The following VTI1A variants were observed in gnomAD, a reference collection of about 807,000 sequenced individuals.
The protein encoded by VTI1A is vesicle transport through interaction with t-SNAREs homolog 1A.
In VTI1A, 22 loss-of-function variants were observed where a neutral mutation model predicts 34.9. That is an observed-to-expected ratio of 0.63 (90% CI 0.45 to 0.90). The LOEUF (loss-of-function observed/expected upper bound fraction) is 0.90. Ranked by LOEUF, VTI1A falls within the 40% of genes least tolerant of loss-of-function variation. VTI1A has a pLI of 0.00. For missense variants in VTI1A, 268 were observed against 275.6 expected (o/e 0.97, Z 0.20); for synonymous variants, 87 against 97.3 (o/e 0.89, Z 0.62).
the VTI1A span, among the ~76,000 whole-genome samples, chr10:112,848,233 C>T: frequency 2.0e-5 from 3 of 152,200 alleles, no homozygotes; most frequent in Non-Finnish European, 4.4e-5. Flanking sequence ...GCTGGGATCA[C>T]CTGCCCAACC....
rs562646110 is a variant in VTI1A at position 112,655,957 on chromosome 10, G to C, written c.428-12261G>C. 5.9e-5 allele frequency among the ~76,000 whole-genome samples: 9 copies of C among 152,318 alleles called. No homozygotes were observed. The South Asian group carries it at 1.7e-3, about 28-fold the overall frequency. On this transcript the variant is annotated intron_variant, in intron 5 of 7. Transcript: ENST00000393077. ...CAAATGAGAATCTTTGCCAGAGTCT[G>C]TGACCTTCAAATTTCAGTCCTCTCA...
chr10:112,603,748 C>T (rs1195082609), intron 5 of VTI1A, among the ~76,000 whole-genome samples: 2 of 152,172 alleles, frequency 1.3e-5, no homozygotes, highest in African/African-American at 2.4e-5. Flanking sequence ...AGCTTTCCAT[C>T]ATCCACCTTA....
chr10:112,758,439 G>A (rs928720341), intron 7 of VTI1A, among the ~76,000 whole-genome samples: 8 of 152,122 alleles, frequency 5.3e-5, no homozygotes, highest in Non-Finnish European at 8.8e-5. Context: ...AAAGACTCCT[G>A]GACACCATCC....
At chr10:112,659,384 A>G (rs988029022) in intron 5 of VTI1A, among the ~76,000 whole-genome samples, 4 of 152,144 alleles carry the variant, frequency 2.6e-5, no homozygotes, top group Non-Finnish European at 5.9e-5. Flanking sequence ...CTCATTTTTG[A>G]ATGGAGCTGT....
intron 7 of VTI1A, chr10:112,677,596 C>G (rs1223419003): frequency 2.6e-5 from 4 of 152,266 alleles, no homozygotes; most frequent in Admixed American, 6.6e-5. Flanking sequence ...ATGGTGGTAA[C>G]TCCTGTGCAG....
intron 5 of VTI1A, among the ~76,000 whole-genome samples, chr10:112,594,462 A>T (rs1844538872): frequency 6.6e-6 from 1 of 152,094 alleles, no homozygotes; most frequent in Non-Finnish European, 1.5e-5. Context: ...ACTTCAGCAA[A>T]GTCTCAGGAT....
At chr10:112,595,073 T>C (rs1425812607) in intron 5 of VTI1A, among the ~76,000 whole-genome samples, 2 of 148,652 alleles carry the variant, frequency 1.3e-5, no homozygotes, top group Non-Finnish European at 3.0e-5. Context: ...GGATTCCCTA[T>C]TTAATAAATG....
intron 5 of VTI1A, among the ~76,000 whole-genome samples, chr10:112,663,526 G>A (rs918661358): frequency 1.3e-5 from 2 of 152,150 alleles, no homozygotes. Flanking sequence ...CATGTCTTAG[G>A]TTGTCAAATA....
intron 3 of VTI1A, among the ~76,000 whole-genome samples, chr10:112,518,790 C>T (rs1849905084): frequency 6.6e-6 from 1 of 151,352 alleles, no homozygotes; most frequent in South Asian, 2.1e-4. Context: ...CTCAAGAAAA[C>T]ATTTAATTGA....
At chr10:112,702,969 T>G (rs1264271319) in intron 7 of VTI1A, among the ~76,000 whole-genome samples, 1 of 152,214 alleles carries the variant, frequency 6.6e-6, no homozygotes, top group African/African-American at 2.4e-5. Flanking sequence ...TGGGCCTCCT[T>G]TTTGGCTAGA....
chr10:112,611,737 ATTTTTTT>A (rs3057346), intron 5 of VTI1A, among the ~76,000 whole-genome samples: 2 of 100,856 alleles, frequency 2.0e-5, no homozygotes, highest in Non-Finnish European at 1.9e-5. Flanking sequence ...GAGAAAGGTA[ATTTTTTT>A]TTTTTTTTTT....
chr10:112,536,751 C>T (rs559291263), intron 4 of VTI1A, among the ~76,000 whole-genome samples: 3 of 150,112 alleles, frequency 2.0e-5, no homozygotes, highest in African/African-American at 2.4e-5. Flanking sequence ...CTCACCCCCC[C>T]ACCCTTCCCC....
intron 7 of VTI1A, among the ~76,000 whole-genome samples, chr10:112,775,012 A>C (rs1851920708): frequency 6.6e-6 from 1 of 152,178 alleles, no homozygotes; most frequent in Non-Finnish European, 1.5e-5. Flanking sequence ...CCACCAGTCA[A>C]TGGCTGCCTC....
At chr10:112,455,822 T>C (rs928427129) in intron 1 of VTI1A, among the ~76,000 whole-genome samples, 1 of 152,082 alleles carries the variant, frequency 6.6e-6, no homozygotes, top group African/African-American at 2.4e-5. Flanking sequence ...AAATGAATTT[T>C]ATGAAAAGAA....
intron 7 of VTI1A, among the ~76,000 whole-genome samples, chr10:112,751,203 G>A (rs560713744): frequency 2.0e-5 from 3 of 152,136 alleles, no homozygotes; most frequent in Non-Finnish European, 4.4e-5. Context: ...AAAGAATTAC[G>A]ACTGTGGTAA....
intron 7 of VTI1A, among the ~76,000 whole-genome samples, chr10:112,805,170 A>C (rs2134078869): frequency 6.6e-6 from 1 of 152,212 alleles, no homozygotes; most frequent in African/African-American, 2.4e-5. Context: ...CCCAGCCAGT[A>C]GCTTTTGGCT....
intron 7 of VTI1A, among the ~76,000 whole-genome samples, chr10:112,806,023 CAG>C (rs1353332544): frequency 6.6e-6 from 1 of 152,094 alleles, no homozygotes; most frequent in Non-Finnish European, 1.5e-5. Context: ...AATTTAGAAA[CAG>C]GGCGAAGCGA....
chr10:112,504,004 CA>C (rs982705916), intron 3 of VTI1A, among the ~76,000 whole-genome samples: 2 of 152,074 alleles, frequency 1.3e-5, no homozygotes, highest in African/African-American at 4.8e-5. Flanking sequence ...CTCCATGGTC[CA>C]AAAGATCTCA....
intron 7 of VTI1A, among the ~76,000 whole-genome samples, chr10:112,714,082 T>G (rs1849523332): frequency 6.6e-6 from 1 of 152,160 alleles, no homozygotes; most frequent in Non-Finnish European, 1.5e-5. Flanking sequence ...GTTTCAGAAA[T>G]GCATTCCCTA....
Sources: gnomAD v4.1 joint callset for allele counts (sites outside exome capture counted in the v4.1 genomes callset) on GRCh38, gnomAD v4.1.1 for gene constraint, MANE v1.5 for transcripts, NCBI Gene and HGNC (gene_info 2026-07-23, HGNC 2026-07-21) for gene names.